RHOU: variants seen among roughly 807,000 people sequenced by gnomAD.
RHOU encodes rho-related GTP-binding protein RhoU.
Under a neutral mutation model 12.6 loss-of-function variants are expected in RHOU, and 8 were observed. That is an observed-to-expected ratio of 0.64 (90% confidence interval 0.37 to 1.15). RHOU has a LOEUF of 1.15. Ranked by LOEUF, RHOU falls within the 50% of genes most tolerant of loss-of-function variation. The pLI, the probability that RHOU is intolerant of heterozygous loss-of-function variation, is 0.01. For synonymous variants in RHOU, 161 were observed against 147.4 expected (o/e 1.09, Z -0.67); for missense variants, 258 against 347.0 (o/e 0.74, Z 2.04).
chr1:228,717,130 C>T, the RHOU span, among the ~76,000 whole-genome samples: 5 of 152,232 alleles, frequency 3.3e-5, no homozygotes, highest in East Asian at 3.9e-4. Context: ...TTAGTCTTTT[C>T]GGGCCACTGA....
At chr1:228,692,568 G>GT in the RHOU span, among the ~76,000 whole-genome samples, 32,986 of 151,788 alleles carry the variant, frequency 0.22, 5,424 homozygotes, top group African/African-American at 0.47. Flanking sequence ...TCTGTTTTTT[G>GT]TTTGTTTTTC....
the RHOU span, among the ~76,000 whole-genome samples, chr1:228,723,641 C>A: frequency 6.6e-6 from 1 of 152,206 alleles, no homozygotes; most frequent in Non-Finnish European, 1.5e-5. Flanking sequence ...GAGCTAAGAG[C>A]CGGGGCTTTA....
At chr1:228,733,206 T>C (rs1662527994), upstream of RHOU, among the ~76,000 whole-genome samples, 1 of 152,278 alleles carries the variant, frequency 6.6e-6, no homozygotes, top group South Asian at 2.1e-4. Flanking sequence ...TGTAAGTGTA[T>C]CTGCTGCATT....
upstream of RHOU, among the ~76,000 whole-genome samples, chr1:228,733,443 A>C (rs1662532321): frequency 6.6e-6 from 1 of 152,112 alleles, no homozygotes; most frequent in South Asian, 2.1e-4. Context: ...GAGTATTTGG[A>C]TTACAGGTGT....
chr1:228,681,678 T>C, the RHOU span, among the ~76,000 whole-genome samples: 1 of 151,958 alleles, frequency 6.6e-6, no homozygotes, highest in Non-Finnish European at 1.5e-5. Context: ...GTCGAGTTTG[T>C]ATTGGGGCCA....
the RHOU span, among the ~76,000 whole-genome samples, chr1:228,684,473 C>T: frequency 4.0e-5 from 6 of 149,556 alleles, no homozygotes; most frequent in Non-Finnish European, 5.9e-5. Flanking sequence ...GGACTACAGG[C>T]GTGCACCACC....
the RHOU span, chr1:228,652,602 A>G: frequency 6.6e-6 from 1 of 152,258 alleles, no homozygotes; most frequent in African/African-American, 2.4e-5. Flanking sequence ...ACATTTCCAG[A>G]ACTTTCTTTT....
At chr1:228,711,676 T>G in the RHOU span, among the ~76,000 whole-genome samples, 1 of 152,174 alleles carries the variant, frequency 6.6e-6, no homozygotes, top group Non-Finnish European at 1.5e-5. Context: ...GGTTAAAGAC[T>G]TAAACGTTAG....
At position 228,737,498 on chromosome 1, in the gene RHOU, T is replaced by C. The variant is rs1010813427; in HGVS notation, c.263-175T>C. On this transcript the variant is annotated intron_variant, in intron 1 of 2. Transcript: ENST00000366691. This position sits in a 1 kb window ranked among gnomAD's most constrained non-coding sequence, Gnocchi z 4.1. ...GTGACTTGCCAGCCGTGGGTTTGTA[T>C]ACAAAAATGCCTCCACAGGGCCTCC... is the stretch of plus-strand genomic sequence containing the variant. 6.6e-6 allele frequency among the ~76,000 whole-genome samples: 1 copy of C among 152,202 alleles called. No individual in the cohort carries two copies. Among genetic ancestry groups the C allele is most frequent in the African/African-American group, 2.4e-5 (1 of 41,448 alleles).
chr1:228,745,018 A>G lies in RHOU; in HGVS notation c.*1278A>G, dbSNP rs928339617. ...ACATCTCTTGAAACCTGTTAAAACA[A>G]CCAGTTAAAGCCACAGATGGCTTTC... On this transcript the variant is annotated 3_prime_UTR_variant, in exon 3 of 3. Coordinates refer to ENST00000366691, the MANE Select transcript of RHOU (RefSeq NM_021205.6). The G allele has an allele frequency of 6.6e-6, 1 of 152,218 alleles. No homozygotes were observed. The highest frequency in any genetic ancestry group is 2.4e-5 in the African/African-American group (1 of 41,454). The allele number at this position is 152,218 out of a possible 1,614,324, so 9.4% of individuals were successfully genotyped here.
the RHOU span, among the ~76,000 whole-genome samples, chr1:228,697,591 C>G: frequency 7.8e-4 from 119 of 152,294 alleles, no homozygotes; most frequent in African/African-American, 2.7e-3. Flanking sequence ...TGACTGGCAG[C>G]CTCCTTGTCC....
chr1:228,707,259 T>C, the RHOU span, among the ~76,000 whole-genome samples: 1 of 59,274 alleles, frequency 1.7e-5, no homozygotes, highest in South Asian at 4.1e-4. Context: ...ATATATAGTG[T>C]GTGTGTGTGT....
chr1:228,729,041 A>G, the RHOU span, among the ~76,000 whole-genome samples: 1 of 152,066 alleles, frequency 6.6e-6, no homozygotes, highest in East Asian at 1.9e-4. Flanking sequence ...GGCTACAGGT[A>G]TGCACCACCA....
chr1:228,650,740 T>C, the RHOU span: 56 of 455,138 alleles, frequency 1.2e-4, no homozygotes, highest in Non-Finnish European at 2.3e-4. Context: ...ACAGGCCAGC[T>C]TATGATCAGG....
the RHOU span, among the ~76,000 whole-genome samples, chr1:228,652,226 A>G: frequency 9.2e-5 from 14 of 152,360 alleles, 1 homozygote; most frequent in Non-Finnish European, 1.8e-4. Flanking sequence ...ATCCTGGGTC[A>G]GTAATATTGA....
At chr1:228,681,482 C>T in the RHOU span, among the ~76,000 whole-genome samples, 6 of 151,776 alleles carry the variant, frequency 4.0e-5, no homozygotes, top group East Asian at 5.8e-4. Flanking sequence ...AAGGGACAGG[C>T]GGGAGGGAAA....
At chr1:228,739,648 A>C (rs1181052668) in intron 2 of RHOU, among the ~76,000 whole-genome samples, 1 of 152,244 alleles carries the variant, frequency 6.6e-6, no homozygotes, top group African/African-American at 2.4e-5. Context: ...ATAAGATGGA[A>C]GTCAGGAAAA....
chr1:228,745,851 T>A lies in RHOU; in HGVS notation c.*2111T>A, dbSNP rs1394903054. 1.3e-5 allele frequency: 2 copies of A among 152,208 alleles called. No individual in the cohort carries two copies. Among genetic ancestry groups the A allele is most frequent in the Admixed American group, 6.5e-5 (1 of 15,278 alleles). The allele number at this position is 152,208 out of a possible 1,614,324, so 9.4% of individuals were successfully genotyped here. A position where few individuals can be genotyped will look rare whatever the true frequency, so the allele number is the denominator to read the frequency against. On this transcript the variant is annotated 3_prime_UTR_variant, in exon 3 of 3. Coordinates refer to ENST00000366691, the MANE Select transcript of RHOU (RefSeq NM_021205.6). ...TATTTTTATATTAAAGTAAATGGCA[T>A]GGAGTATAGTGCAAATTCATTTTTA...
chr1:228,681,996 G>A, the RHOU span, among the ~76,000 whole-genome samples: 2 of 152,210 alleles, frequency 1.3e-5, no homozygotes, highest in Non-Finnish European at 2.9e-5. Context: ...CCAATGGGGT[G>A]TGGGTGAATA....
Sources: allele counts gnomAD v4.1 joint callset (sites outside exome capture counted in the v4.1 genomes callset), GRCh38; gene constraint gnomAD v4.1.1; non-coding constraint Gnocchi (gnomAD v3.1); transcripts MANE v1.5; gene names NCBI Gene and HGNC (gene_info 2026-07-23, HGNC 2026-07-21).